The following CEP85 variants were observed in gnomAD, a reference collection of about 807,000 sequenced individuals.
CEP85 encodes centrosomal protein of 85 kDa.
Under a neutral mutation model 93.7 loss-of-function variants are expected in CEP85, and 58 were observed. That is an observed-to-expected ratio of 0.62 (90% CI 0.50 to 0.77). CEP85 has a LOEUF of 0.77. Among genes scored for constraint, CEP85 ranks in the 30% least tolerant of loss-of-function variants. CEP85 has a pLI of 0.00. For synonymous variants in CEP85, 314 were observed against 338.6 expected (o/e 0.93, Z 0.80); for missense variants, 868 against 922.0 (o/e 0.94, Z 0.76).
chr1:26,270,674 T>A (rs2089960675), intron 9 of CEP85, among the ~76,000 whole-genome samples: 1 of 152,252 alleles, frequency 6.6e-6, no homozygotes, highest in Admixed American at 6.5e-5. Flanking sequence ...AAACAGCTTT[T>A]GTATTTTCCA....
Position 26,256,600 on chromosome 1 carries a change from C to CT in CEP85, c.903+751dup, listed in dbSNP as rs771960691. On this transcript the variant is annotated intron_variant, in intron 4 of 13. Transcript: ENST00000451429. ...GTTCTCTCTACCACTTTTGTATTTT[C>CT]TTTTTTTTTTTTTTTTGAGATGGAG... Among the ~76,000 whole-genome samples the CT allele has an allele frequency of 4.5e-3, 574 of 127,124 alleles. 1 individual carries two copies. The highest frequency in any genetic ancestry group is 0.021 in the East Asian group (95 of 4,492). The allele number at this position is 127,124 out of a possible 152,430, so 83.4% of individuals were successfully genotyped here.
intron 2 of CEP85, 77 bp from the exon 3 acceptor site, chr1:26,244,089 G>A: frequency 1.5e-6 from 2 of 1,325,320 alleles, no homozygotes; most frequent in Non-Finnish European, 2.1e-6. Flanking sequence ...TTAGGTTTAT[G>A]TGATTTTTTA....
At chr1:26,261,904 C>T (rs955008389) in intron 7 of CEP85, among the ~76,000 whole-genome samples, 9 of 152,122 alleles carry the variant, frequency 5.9e-5, no homozygotes, top group African/African-American at 2.2e-4. Context: ...GGCATGGTGG[C>T]TCACACCTGT....
chr1:26,253,630 C>A (rs566117343), intron 3 of CEP85, among the ~76,000 whole-genome samples: 2 of 151,870 alleles, frequency 1.3e-5, no homozygotes, highest in Non-Finnish European at 2.9e-5. Flanking sequence ...ACCTCATGAT[C>A]CCCCCTCCTC....
intron 8 of CEP85, 28 bp from the exon 9 acceptor site, chr1:26,269,432 G>A: frequency 6.2e-7 from 1 of 1,609,836 alleles, no homozygotes; most frequent in Non-Finnish European, 8.5e-7. Flanking sequence ...TGGCTTATTT[G>A]ACCTAAACAT....
At chr1:26,254,204 G>A (rs997530292) in intron 3 of CEP85, among the ~76,000 whole-genome samples, 17 of 151,972 alleles carry the variant, frequency 1.1e-4, no homozygotes, top group African/African-American at 3.4e-4. Context: ...GAAGAAATTG[G>A]TATTCCTTAT....
In CEP85 at chr1:26,258,181, G is replaced by A. The variant is rs752417892; in HGVS notation, c.1076G>A (p.Arg359Gln). 9.3e-6 allele frequency: 15 copies of A among 1,614,000 alleles called. No homozygotes were observed. Among genetic ancestry groups the A allele is most frequent in the Non-Finnish European group, 1.2e-5 (14 of 1,180,016 alleles). The change falls in exon 6 of 14, where the codon CGA becomes CAA. Residue 359 changes from arginine (R) to glutamine (Q), a missense_variant. By Grantham distance (43) the Arg-to-Gln change is conservative. Coordinates refer to ENST00000451429, the MANE Select transcript of CEP85 (RefSeq NM_001319944.2). ...KHISQLEQKV[R>Q]ESELQVHSAL... is the part of the protein sequence containing the mutation. ...ATCTCTCAGCTGGAGCAGAAAGTGC[G>A]AGAGAGCGAACTGCAAGTCCACAGT... is the stretch of plus-strand genomic sequence containing the variant.
At chr1:26,238,138 A>G (rs946208532) in intron 1 of CEP85, among the ~76,000 whole-genome samples, 1 of 150,046 alleles carries the variant, frequency 6.7e-6, no homozygotes, top group Non-Finnish European at 1.5e-5. Flanking sequence ...CATTAGAGAA[A>G]TAGTACCATA....
chr1:26,252,554 G>A (rs1479647281), intron 3 of CEP85, among the ~76,000 whole-genome samples: 2 of 152,008 alleles, frequency 1.3e-5, no homozygotes, highest in Non-Finnish European at 2.9e-5. Flanking sequence ...ACAAAAAATT[G>A]TATTGCTTAC....
intron 11 of CEP85, among the ~76,000 whole-genome samples, chr1:26,273,635 G>A (rs2090010085): frequency 6.6e-6 from 1 of 152,116 alleles, no homozygotes; most frequent in African/African-American, 2.4e-5. Context: ...GGTGGCTCAC[G>A]CCTGTAATCC....
At chr1:26,242,976 T>C (rs17163752) in intron 2 of CEP85, among the ~76,000 whole-genome samples, 2,466 of 152,254 alleles carry the variant, frequency 0.016, 74 homozygotes, top group African/African-American at 0.057. Context: ...TCATCAGTCT[T>C]TTTGTCTTAA....
chr1:26,257,716 G>T lies in CEP85; in HGVS notation c.1023G>T (p.Glu341Asp). ...ATGAACACCTTCTGAAGGAAAAAGAGCTTCTCATTGACAAGTAAGAGGGCA... is the reference window on the plus strand; with the variant it reads ...ATGAACACCTTCTGAAGGAAAAAGATCTTCTCATTGACAAGTAAGAGGGCA... The part of the protein sequence containing the change: ...NSNEHLLKEK[E>D]LLIDKQRKHI... The change falls in exon 5 of 14, where the codon GAG (glutamate) becomes GAT (aspartate). Residue 341 changes from glutamate to aspartate, a missense_variant. Glu to Asp is a conservative substitution (Grantham distance 45). Coordinates refer to ENST00000451429, the MANE Select transcript of CEP85 (RefSeq NM_001319944.2). The T allele has an allele frequency of 6.2e-7, 1 of 1,614,100 alleles. No individual in the cohort carries two copies. Among genetic ancestry groups the T allele is most frequent in the Non-Finnish European group, 8.5e-7 (1 of 1,180,016 alleles).
In CEP85 at chr1:26,278,595, A is replaced by C. The variant is rs2090086444; in HGVS notation, c.*1302A>C. Reference sequence around the variant, plus strand: ...GTGACTTATCCCTTCCATTCAGAGCAGCCCCACCCAGCCAGCCCTTCAGCC... The same window carrying C: ...GTGACTTATCCCTTCCATTCAGAGCCGCCCCACCCAGCCAGCCCTTCAGCC... On this transcript the variant is annotated 3_prime_UTR_variant, in exon 14 of 14. Transcript: ENST00000451429. 6.6e-6 allele frequency: 1 copy of C among 152,652 alleles called. No homozygotes were observed. Among genetic ancestry groups the C allele is most frequent in the Admixed American group, 6.5e-5 (1 of 15,280 alleles). The allele number at this position is 152,652 out of a possible 1,614,324, so 9.5% of individuals were successfully genotyped here.
chr1:26,234,646 G>C (rs12405648), intron 1 of CEP85, among the ~76,000 whole-genome samples: 2 of 152,250 alleles, frequency 1.3e-5, no homozygotes, highest in Admixed American at 1.3e-4. Flanking sequence ...GACGTTAAGC[G>C]GGGTAATCCC....
At chr1:26,276,981 C>A (rs2090062937) in intron 13 of CEP85, 155 bp from the exon 14 acceptor site, 2 of 908,910 alleles carry the variant, frequency 2.2e-6, no homozygotes, top group African/African-American at 3.3e-5. Context: ...TAAAAGTGGA[C>A]CTTCAGCAGC....
At chr1:26,269,813 G>A (rs1482612514) in intron 9 of CEP85, among the ~76,000 whole-genome samples, 199 bp downstream of exon 9, 1 of 131,920 alleles carries the variant, frequency 7.6e-6, no homozygotes. Flanking sequence ...TTGAGACGGA[G>A]TCTTGCTCTG....
chr1:26,262,092 G>C (rs1419141139), intron 7 of CEP85, among the ~76,000 whole-genome samples: 1 of 152,112 alleles, frequency 6.6e-6, no homozygotes, highest in Non-Finnish European at 1.5e-5. Context: ...CAGATCACAA[G>C]GTCAGGAGAT....
intron 1 of CEP85, among the ~76,000 whole-genome samples, chr1:26,234,844 C>T (rs1428334878): frequency 6.6e-6 from 1 of 152,148 alleles, no homozygotes; most frequent in African/African-American, 2.4e-5. Context: ...CGGTACTTCT[C>T]GGCCGGGGCG....
rs773845048 is a variant in CEP85 at position 26,255,191 on chromosome 1, A to G, written c.229A>G (p.Ser77Gly). Residue 77 changes from serine to glycine, a missense_variant, in exon 4 of 14, where the codon AGT becomes GGT. Coordinates refer to ENST00000451429, the MANE Select transcript of CEP85 (RefSeq NM_001319944.2). ...CCCAGATTTTTGCAGCTCAAGTGGC[A>G]GTCCTCCTTTCCAGCCCATCAAAAG... ...IAEDFCSSSG[S>G]PPFQPIKSHV... 28 of 1,613,668 alleles carry G rather than the reference A, an allele frequency of 1.7e-5. No homozygotes were observed. Among genetic ancestry groups the G allele is most frequent in the Non-Finnish European group, 2.3e-5 (27 of 1,179,602 alleles).
Sources: allele counts gnomAD v4.1 joint callset (sites outside exome capture counted in the v4.1 genomes callset), GRCh38; gene constraint gnomAD v4.1.1; transcripts MANE v1.5; gene names NCBI Gene and HGNC (gene_info 2026-07-23, HGNC 2026-07-21).